Variants in DGKB observed in about 807,000 individuals in gnomAD.
The protein encoded by DGKB is 90 kDa diacylglycerol kinase.
DGKB carries 67 observed loss-of-function variants against 114.3 expected under a neutral mutation model. That is an observed-to-expected ratio of 0.59 (90% CI 0.48 to 0.72). The LOEUF (loss-of-function observed/expected upper bound fraction) is 0.72. Ranked by LOEUF, DGKB falls within the 30% of genes least tolerant of loss-of-function variation. The pLI is 0.00. For missense variants in DGKB, 907 were observed against 975.2 expected (o/e 0.93, Z 0.93); for synonymous variants, 398 against 323.1 (o/e 1.23, Z -2.49).
At chr7:14,333,362 G>A (rs936970550) in intron 23 of DGKB, among the ~76,000 whole-genome samples, 3 of 151,540 alleles carry the variant, frequency 2.0e-5, no homozygotes, top group Non-Finnish European at 4.4e-5. Context: ...TCTGGAGGCT[G>A]AGGCAGGAGA....
chr7:14,277,560 T>A (rs879609274), intron 23 of DGKB, among the ~76,000 whole-genome samples: 14 of 152,222 alleles, frequency 9.2e-5, no homozygotes, highest in African/African-American at 3.4e-4. Flanking sequence ...TATCATAATG[T>A]CTTCCAGCTT....
chr7:14,426,249 T>C (rs1205922233), intron 21 of DGKB, among the ~76,000 whole-genome samples: 1 of 152,206 alleles, frequency 6.6e-6, no homozygotes, highest in Non-Finnish European at 1.5e-5. Flanking sequence ...CTCATTGCAC[T>C]GAAAATTTGC....
At chr7:14,668,446 C>A (rs886904669) in intron 13 of DGKB, among the ~76,000 whole-genome samples, 5 of 152,068 alleles carry the variant, frequency 3.3e-5, no homozygotes, top group Non-Finnish European at 7.4e-5. Flanking sequence ...GATAACCACT[C>A]GGGCTCCACT....
chr7:14,625,381 G>C (rs1301579367), intron 14 of DGKB, among the ~76,000 whole-genome samples: 1 of 152,128 alleles, frequency 6.6e-6, no homozygotes, highest in Non-Finnish European at 1.5e-5. Flanking sequence ...GGGACAGGAA[G>C]GGGGAGGCAA....
intron 16 of DGKB, among the ~76,000 whole-genome samples, chr7:14,609,192 C>G (rs57704739): frequency 0.065 from 9,873 of 152,006 alleles, 1,073 homozygotes; most frequent in African/African-American, 0.22. Flanking sequence ...GGTATAAAAC[C>G]AGACACTCAG....
At chr7:14,403,337 A>G (rs1441490413) in intron 21 of DGKB, among the ~76,000 whole-genome samples, 5 of 151,884 alleles carry the variant, frequency 3.3e-5, no homozygotes, top group Admixed American at 3.3e-4. Flanking sequence ...TAGCTTATAC[A>G]GGCATGAGAG....
At chr7:14,591,451 G>A (rs977482026) in intron 17 of DGKB, among the ~76,000 whole-genome samples, 6 of 151,988 alleles carry the variant, frequency 3.9e-5, no homozygotes, top group Non-Finnish European at 8.8e-5. Context: ...TTATAGCATT[G>A]ATTCACCTAG....
intron 23 of DGKB, among the ~76,000 whole-genome samples, chr7:14,296,439 A>T (rs1196998747): frequency 6.6e-6 from 1 of 152,154 alleles, no homozygotes; most frequent in Non-Finnish European, 1.5e-5. Context: ...AATCTTTGCT[A>T]TTGTGAATAG....
chr7:14,285,315 C>A (rs1800702836), intron 23 of DGKB, among the ~76,000 whole-genome samples: 1 of 152,100 alleles, frequency 6.6e-6, no homozygotes, highest in Non-Finnish European at 1.5e-5. Flanking sequence ...ATTGAGTCTG[C>A]CACAATTACT....
intron 7 of DGKB, among the ~76,000 whole-genome samples, chr7:14,701,006 T>A (rs1825071667): frequency 6.6e-6 from 1 of 152,154 alleles, no homozygotes; most frequent in South Asian, 2.1e-4. Context: ...GCACTAAGAC[T>A]AAGAACTACT....
intron 19 of DGKB, among the ~76,000 whole-genome samples, chr7:14,578,819 T>A (rs1799534328): frequency 6.6e-6 from 1 of 152,210 alleles, no homozygotes; most frequent in Admixed American, 6.5e-5. Context: ...CTTCTGAGAC[T>A]TTCGAAGCTT....
intron 13 of DGKB, 76 bp from the exon 14 acceptor site, chr7:14,630,344 C>A: frequency 1.0e-6 from 1 of 998,402 alleles, no homozygotes; most frequent in South Asian, 1.8e-5. Context: ...TTTCTCATAT[C>A]ATTACATGCC....
intron 20 of DGKB, among the ~76,000 whole-genome samples, chr7:14,554,827 T>A (rs1795648379): frequency 6.6e-6 from 1 of 152,174 alleles, no homozygotes; most frequent in Non-Finnish European, 1.5e-5. Flanking sequence ...CTATTCAGTA[T>A]TTTTCTATTA....
At chr7:14,947,772 T>C (rs1180020026) in intron 1 of DGKB, among the ~76,000 whole-genome samples, 2 of 151,750 alleles carry the variant, frequency 1.3e-5, no homozygotes, top group African/African-American at 2.4e-5. Flanking sequence ...GGTCCAAGCA[T>C]GTTATTCTTT....
chr7:14,634,518 T>A (rs1006797412), intron 13 of DGKB, among the ~76,000 whole-genome samples: 1 of 106,292 alleles, frequency 9.4e-6, no homozygotes, highest in African/African-American at 3.4e-5. Flanking sequence ...ACACACACAC[T>A]TGTTTTGCCT....
At chr7:14,449,072 T>C (rs2128832663) in intron 21 of DGKB, among the ~76,000 whole-genome samples, 1 of 152,210 alleles carries the variant, frequency 6.6e-6, no homozygotes, top group East Asian at 1.9e-4. Flanking sequence ...AGTTAAACCA[T>C]GTCATTTCTC....
intron 21 of DGKB, among the ~76,000 whole-genome samples, chr7:14,444,838 GTAT>G (rs1246225581): frequency 3.3e-5 from 5 of 151,680 alleles, no homozygotes; most frequent in Admixed American, 6.6e-5. Flanking sequence ...CATGAATATT[GTAT>G]TATTAAGAGT....
intron 25 of DGKB, among the ~76,000 whole-genome samples, chr7:14,157,693 C>G (rs193089831): frequency 2.7e-3 from 407 of 152,134 alleles, no homozygotes; most frequent in African/African-American, 9.4e-3. Context: ...TTTTGTGGCT[C>G]TAAGTTAGTT....
At chr7:14,653,141 C>A (rs1462636323) in intron 13 of DGKB, among the ~76,000 whole-genome samples, 2 of 149,604 alleles carry the variant, frequency 1.3e-5, no homozygotes. Context: ...TTGACCCAGC[C>A]ATCCCATTAC....
Sources: allele counts gnomAD v4.1 joint callset (sites outside exome capture counted in the v4.1 genomes callset), GRCh38; gene constraint gnomAD v4.1.1; transcripts MANE v1.5; gene names NCBI Gene and HGNC (gene_info 2026-07-23, HGNC 2026-07-21).